The following ELL2 variants were observed in gnomAD, a reference collection of about 807,000 sequenced individuals.
ELL2 encodes the protein RNA polymerase II elongation factor ELL2.
In ELL2, 21 loss-of-function variants were observed where a neutral mutation model predicts 72.8. The ratio of observed to expected loss-of-function variants is 0.29; its 90% confidence interval spans 0.20 to 0.42. The LOEUF (loss-of-function observed/expected upper bound fraction) is 0.42, where lower values mean the gene tolerates loss of function less well. Ranked by LOEUF, ELL2 falls within the 10% of genes least tolerant of loss-of-function variation. ELL2 has a pLI of 1.00. For missense variants in ELL2, 568 were observed against 772.8 expected (o/e 0.73, Z 3.14); for synonymous variants, 266 against 283.2 (o/e 0.94, Z 0.61).
At chr5:95,960,174 C>CT (rs1463969073) in intron 1 of ELL2, among the ~76,000 whole-genome samples, 2 of 152,140 alleles carry the variant, frequency 1.3e-5, no homozygotes, top group South Asian at 4.2e-4. Context: ...TTCTGCCCCT[C>CT]TGTCTGTTGT....
intron 9 of ELL2, among the ~76,000 whole-genome samples, chr5:95,895,069 A>G (rs985508394): frequency 1.3e-5 from 2 of 152,264 alleles, no homozygotes; most frequent in East Asian, 3.8e-4. Context: ...ACCAGTTACA[A>G]AAATGTCCCC....
intron 2 of ELL2, among the ~76,000 whole-genome samples, chr5:95,930,483 T>C (rs1036698430): frequency 1.3e-5 from 2 of 152,206 alleles, no homozygotes; most frequent in Non-Finnish European, 2.9e-5. Context: ...CCAAGAAAAC[T>C]TGTAAGTCCA....
chr5:95,898,515 T>C lies in ELL2; in HGVS notation c.1250A>G (p.Gln417Arg), dbSNP rs753355776. 153 of 1,614,086 alleles carry C rather than the reference T, an allele frequency of 9.5e-5. No homozygotes were observed. The highest frequency in any genetic ancestry group is 1.3e-4 in the Admixed American group (8 of 60,002). The change falls in exon 8 of 12, where the codon CAA becomes CGA. Residue 417 changes from glutamine to arginine, a missense_variant. This residue lies in a region of ELL2 where 511 missense variants were observed against 728.4 expected (regional missense o/e 0.70). Transcript: ENST00000237853. ...TQDLPVDSFS[Q>R]NDSIYEDQQD... The stretch of plus-strand genomic sequence containing the variant: ...CTGGTCCTCATAGATACTATCGTTT[T>C]GACTAAAACTGTCAACAGGTAGGTC...
chr5:95,893,786 A>G (rs1367171495), intron 9 of ELL2, among the ~76,000 whole-genome samples: 1 of 152,162 alleles, frequency 6.6e-6, no homozygotes, highest in African/African-American at 2.4e-5. Context: ...CTTTTTCACT[A>G]TTTTTAGAAA....
intron 1 of ELL2, 142 bp downstream of exon 1, chr5:95,961,433 G>GGCCCTGCCCT (rs1254407865): frequency 2.0e-5 from 21 of 1,050,334 alleles, no homozygotes; most frequent in Non-Finnish European, 2.6e-5. Flanking sequence ...CACCCTGCCC[G>GGCCCTGCCCT]GCCCTGCCCT....
intron 2 of ELL2, among the ~76,000 whole-genome samples, chr5:95,920,989 T>C (rs1750055188): frequency 6.6e-6 from 1 of 152,214 alleles, no homozygotes; most frequent in African/African-American, 2.4e-5. Flanking sequence ...CAAAGGCATG[T>C]ATGATTCCTG....
chr5:95,950,936 A>G lies in ELL2; in HGVS notation c.148-7887T>C, dbSNP rs1370461727. ...TATATATATATATATATATATATAT[A>G]TATATATATATATATATAAAATCTT... is the stretch of plus-strand genomic sequence containing the variant. On this transcript the variant is annotated intron_variant, in intron 1 of 11. Coordinates refer to ENST00000237853, the MANE Select transcript of ELL2 (RefSeq NM_012081.6). Among the ~76,000 whole-genome samples the G allele has an allele frequency of 3.4e-3, 420 of 124,918 alleles. 12 individuals are homozygous for G. The highest frequency in any genetic ancestry group is 0.012 in the African/African-American group (407 of 33,388). The allele number at this position is 124,918 out of a possible 152,430, so 82.0% of individuals were successfully genotyped here.
At chr5:95,921,699 A>T (rs1165258276) in intron 2 of ELL2, among the ~76,000 whole-genome samples, 1 of 152,236 alleles carries the variant, frequency 6.6e-6, no homozygotes, top group African/African-American at 2.4e-5. Context: ...CTGGTATAAC[A>T]GTACTCACTA....
In ELL2 at chr5:95,889,127, C is replaced by T; in HGVS notation, c.1765G>A (p.Val589Ile). Residue 589 changes from valine to isoleucine, a missense_variant, in exon 11 of 12, where the codon GTT becomes ATT. Physicochemically the swap from Val to Ile is conservative, Grantham distance 29 (BLOSUM62 3). Coordinates refer to ENST00000237853, the MANE Select transcript of ELL2 (RefSeq NM_012081.6). ...LSPGSKEYQN[V>I]HEEVLQEYQK... ...TATTCTTGTAAGACTTCTTCATGAA[C>T]ATTCTACAAAATTAAATATTAGAAA... is the stretch of plus-strand genomic sequence containing the variant. The T allele has an allele frequency of 1.2e-6, 2 of 1,605,624 alleles. No homozygotes were observed. Among genetic ancestry groups the T allele is most frequent in the South Asian group, 1.1e-5 (1 of 89,922 alleles).
At chr5:95,942,648 C>A (rs1053301362) in intron 2 of ELL2, among the ~76,000 whole-genome samples, 8 of 152,210 alleles carry the variant, frequency 5.3e-5, no homozygotes, top group African/African-American at 1.9e-4. Flanking sequence ...CAATTACAAT[C>A]ATAACTTGCC....
At chr5:95,903,804 A>G (rs1241546273) in intron 5 of ELL2, among the ~76,000 whole-genome samples, 5 of 152,160 alleles carry the variant, frequency 3.3e-5, no homozygotes, top group African/African-American at 1.2e-4. Flanking sequence ...ACATCTTCCA[A>G]ATGGAGTCTA....
At chr5:95,910,179 T>G (rs1749530005) in intron 4 of ELL2, among the ~76,000 whole-genome samples, 3 of 152,050 alleles carry the variant, frequency 2.0e-5, no homozygotes, top group South Asian at 2.1e-4. Context: ...TTTTTTAATA[T>G]TTGAGAAAAG....
intron 1 of ELL2, among the ~76,000 whole-genome samples, chr5:95,949,683 C>T (rs115234641): frequency 4.9e-4 from 72 of 145,634 alleles, no homozygotes; most frequent in African/African-American, 1.8e-3. Flanking sequence ...GCATTATAAG[C>T]CATGATAAAG....
At chr5:95,945,800 G>A (rs1273592771) in intron 1 of ELL2, among the ~76,000 whole-genome samples, 1 of 152,184 alleles carries the variant, frequency 6.6e-6, no homozygotes, top group Non-Finnish European at 1.5e-5. Context: ...GTATGTGTAC[G>A]CTTCTTTCCC....
chr5:95,932,300 G>A (rs964614325), intron 2 of ELL2, among the ~76,000 whole-genome samples: 6 of 152,122 alleles, frequency 3.9e-5, no homozygotes, highest in Non-Finnish European at 7.4e-5. Context: ...GTAAATAAGA[G>A]GGCCTGTCAA....
Position 95,898,538 on chromosome 5 carries a change from G to A in ELL2, c.1227C>T (p.Asp409=). 1.2e-6 allele frequency: 2 copies of A among 1,614,106 alleles called. No homozygotes were observed. The highest frequency in any genetic ancestry group is 1.7e-6 in the Non-Finnish European group (2 of 1,180,038). Residue 409 remains aspartate (D), a synonymous_variant, in exon 8 of 12, where the codon GAC becomes GAT. Transcript: ENST00000237853. ...PSTPEGRGTQ[D]LPVDSFSQND... The stretch of plus-strand genomic sequence containing the variant: ...TTTGACTAAAACTGTCAACAGGTAG[G>A]TCTTGAGTCCCCCGGCCTTCTGGAG...
intron 1 of ELL2, among the ~76,000 whole-genome samples, chr5:95,952,013 A>G (rs553899425): frequency 6.6e-6 from 1 of 152,212 alleles, no homozygotes; most frequent in Non-Finnish European, 1.5e-5. Flanking sequence ...GAGTAAAATC[A>G]CGAGTTATTT....
chr5:95,951,365 T>A (rs1751394378), intron 1 of ELL2, among the ~76,000 whole-genome samples: 1 of 148,894 alleles, frequency 6.7e-6, no homozygotes. Flanking sequence ...CGAGACTCCG[T>A]CTCAAAAATA....
intron 1 of ELL2, among the ~76,000 whole-genome samples, chr5:95,953,706 A>T (rs1207534177): frequency 6.6e-6 from 1 of 152,124 alleles, no homozygotes; most frequent in Non-Finnish European, 1.5e-5. Context: ...GGAACTGCCA[A>T]TAAAAAAGAA....
Sources: allele counts gnomAD v4.1 joint callset (sites outside exome capture counted in the v4.1 genomes callset), GRCh38; gene constraint gnomAD v4.1.1; regional missense constraint gnomAD v4.1.1; transcripts MANE v1.5; gene names NCBI Gene and HGNC (gene_info 2026-07-23, HGNC 2026-07-21).